The following USP6NL variants were observed in gnomAD, a reference collection of about 807,000 sequenced individuals.
The protein encoded by USP6NL is USP6 N-terminal-like protein.
Under a neutral mutation model 61.9 loss-of-function variants are expected in USP6NL, and 26 were observed. The ratio of observed to expected loss-of-function variants is 0.42; its 90% CI spans 0.31 to 0.58. The LOEUF (loss-of-function observed/expected upper bound fraction) is 0.58. Among genes scored for constraint, USP6NL ranks in the 20% least tolerant of loss-of-function variants. The pLI is 0.16. For missense variants in USP6NL, 1,114 were observed against 1,034.3 expected (o/e 1.08, Z -1.06); for synonymous variants, 432 against 390.1 (o/e 1.11, Z -1.27).
chr10:11,494,339 T>C (rs1566133700), intron 7 of USP6NL, among the ~76,000 whole-genome samples: 1 of 152,174 alleles, frequency 6.6e-6, no homozygotes. Flanking sequence ...GGGTACTTAG[T>C]GAATCCTTCC....
chr10:11,574,723 CAT>C lies in USP6NL; in HGVS notation c.4+22906_4+22907del, dbSNP rs918576915. On this transcript the variant is annotated intron_variant, in intron 2 of 14. Coordinates refer to ENST00000609104, the MANE Select transcript of USP6NL (RefSeq NM_014688.5). This position sits in a 1 kb window ranked among gnomAD's most constrained non-coding sequence, Gnocchi z 4.3. Reference sequence around the variant, plus strand: ...CCATGAATTATTTTGACATTTTTAACATATCATAAAATATTAGATCCCAGAGC... The same window carrying C: ...CCATGAATTATTTTGACATTTTTAACATCATAAAATATTAGATCCCAGAGC... Among the ~76,000 whole-genome samples, 5 of 152,160 alleles carry C rather than the reference CAT, an allele frequency of 3.3e-5. No homozygotes were observed. Among genetic ancestry groups the C allele is most frequent in the African/African-American group, 1.2e-4 (5 of 41,428 alleles).
At chr10:11,577,422 A>C (rs182020472) in intron 2 of USP6NL, among the ~76,000 whole-genome samples, 45 of 152,108 alleles carry the variant, frequency 3.0e-4, no homozygotes, top group Admixed American at 2.0e-3. Context: ...ACTATTGAAA[A>C]CGGAGTCTCT....
chr10:11,521,733 AT>A (rs34431059), intron 4 of USP6NL, among the ~76,000 whole-genome samples: 17,211 of 152,214 alleles, frequency 0.11, 1,286 homozygotes, highest in East Asian at 0.16. Flanking sequence ...ATATACAGTC[AT>A]TTTATACAGT....
rs1333343886 is a variant in USP6NL, at chr10:11,611,497, G to C, written c.-138C>G. 6.3e-6 allele frequency: 1 copy of C among 159,762 alleles called. No individual in the cohort carries two copies. Among genetic ancestry groups the C allele is most frequent in the African/African-American group, 2.4e-5 (1 of 41,426 alleles). The allele number at this position is 159,762 out of a possible 1,614,324, so 9.9% of individuals were successfully genotyped here. Reference sequence around the variant, plus strand: ...GGCAGCGGACAGAGCTGGCGGTCCCGGGCGGCCGAGCAGATCCGGCGCGGC... The same window carrying C: ...GGCAGCGGACAGAGCTGGCGGTCCCCGGCGGCCGAGCAGATCCGGCGCGGC... On this transcript the variant is annotated 5_prime_UTR_variant, in exon 1 of 15. Coordinates refer to ENST00000609104, the MANE Select transcript of USP6NL (RefSeq NM_014688.5). The surrounding 1 kb of genome is among the most constrained non-coding windows in gnomAD (Gnocchi z 5.3).
intron 7 of USP6NL, among the ~76,000 whole-genome samples, chr10:11,498,711 G>C (rs1390110127): frequency 6.6e-6 from 1 of 151,918 alleles, no homozygotes; most frequent in Non-Finnish European, 1.5e-5. Flanking sequence ...AAACTAATCA[G>C]ATCCAAATTG....
At position 11,591,386 on chromosome 10, in the gene USP6NL, A is replaced by G. The variant is rs1838154774; in HGVS notation, c.4+6245T>C. 6.6e-6 allele frequency among the ~76,000 whole-genome samples: 1 copy of G among 152,158 alleles called. No homozygotes were observed. The highest frequency in any genetic ancestry group is 2.1e-4 in the South Asian group (1 of 4,828). On this transcript the variant is annotated intron_variant, in intron 2 of 14. Coordinates refer to ENST00000609104, the MANE Select transcript of USP6NL (RefSeq NM_014688.5). This position sits in a 1 kb window ranked among gnomAD's most constrained non-coding sequence, Gnocchi z 4.7. ...GTTGTAGATCTAAAAGAAAACGTTT[A>G]ATAACAGGTCTATAAAAACTAGATA...
intron 6 of USP6NL, among the ~76,000 whole-genome samples, chr10:11,501,909 A>T (rs2133310309): frequency 6.6e-6 from 1 of 152,310 alleles, no homozygotes; most frequent in South Asian, 2.1e-4. Context: ...GACAAAAACA[A>T]CGATAAATCT....
rs923608548 is a variant in USP6NL, at chr10:11,510,565, C to T, written c.196-890G>A. 7.2e-5 allele frequency among the ~76,000 whole-genome samples: 11 copies of T among 152,042 alleles called. No homozygotes were observed. Among genetic ancestry groups the T allele is most frequent in the South Asian group, 4.1e-4 (2 of 4,820 alleles). On this transcript the variant is annotated intron_variant, in intron 5 of 14. Coordinates refer to ENST00000609104, the MANE Select transcript of USP6NL (RefSeq NM_014688.5). This position sits in a 1 kb window ranked among gnomAD's most constrained non-coding sequence, Gnocchi z 4.8. ...AGGCTGCGGAATGGGGAAAGTGAGACGGAAAATGCTCGCTCTTCACTTGTT... is the reference window on the plus strand; with the variant it reads ...AGGCTGCGGAATGGGGAAAGTGAGATGGAAAATGCTCGCTCTTCACTTGTT...
chr10:11,595,682 A>T lies in USP6NL; in HGVS notation c.4+1949T>A, dbSNP rs1161300493. On this transcript the variant is annotated intron_variant, in intron 2 of 14. Coordinates refer to ENST00000609104, the MANE Select transcript of USP6NL (RefSeq NM_014688.5). The surrounding 1 kb of genome is among the most constrained non-coding windows in gnomAD (Gnocchi z 5.3). ...GAAAGAGAGAGACATAAGAGCAAAA[A>T]AACTTCCATCAGAATGTGCCTGCAA... Among the ~76,000 whole-genome samples the T allele has an allele frequency of 1.3e-5, 2 of 152,230 alleles. No homozygotes were observed. Among genetic ancestry groups the T allele is most frequent in the African/African-American group, 2.4e-5 (1 of 41,468 alleles).
At chr10:11,509,765 G>A in intron 5 of USP6NL, 90 bp from the exon 6 acceptor site, 1 of 1,127,074 alleles carries the variant, frequency 8.9e-7, no homozygotes, top group Non-Finnish European at 1.3e-6. Flanking sequence ...TCTAAAAAAG[G>A]AACTAAAAAA....
chr10:11,606,294 TAAAC>T (rs1425927627), intron 1 of USP6NL, among the ~76,000 whole-genome samples: 2 of 152,274 alleles, frequency 1.3e-5, no homozygotes, highest in Admixed American at 1.3e-4. Context: ...AAGATACTCT[TAAAC>T]AAACAAGTTA....
At chr10:11,554,965 A>ACTTTTTTTTTTT in intron 2 of USP6NL, among the ~76,000 whole-genome samples, 1 of 76,634 alleles carries the variant, frequency 1.3e-5, no homozygotes, top group South Asian at 4.6e-4. Context: ...ATGCCCGGCT[A>ACTTTTTTTTTTT]ATTTTTTTTT....
At chr10:11,576,821 T>C (rs1013726571) in intron 2 of USP6NL, among the ~76,000 whole-genome samples, 2 of 152,222 alleles carry the variant, frequency 1.3e-5, no homozygotes, top group Non-Finnish European at 2.9e-5. Flanking sequence ...AGAAATGTCC[T>C]AGCTACTTTT....
At chr10:11,473,430 T>C (rs960684690) in intron 14 of USP6NL, among the ~76,000 whole-genome samples, 3 of 152,140 alleles carry the variant, frequency 2.0e-5, no homozygotes, top group African/African-American at 7.2e-5. Context: ...TTCTGTGGGT[T>C]TGGGGAGGCC....
rs1832569719 is a variant in USP6NL at position 11,468,378 on chromosome 10, C to T, written c.1079-4529G>A. The stretch of plus-strand genomic sequence containing the variant: ...TGGCCGCACTTGGCTTCAAGTTCCT[C>T]CTATCAATATTTATTCAAATGTTCT... On this transcript the variant is annotated intron_variant, in intron 14 of 14. Coordinates refer to ENST00000609104, the MANE Select transcript of USP6NL (RefSeq NM_014688.5). This position sits in a 1 kb window ranked among gnomAD's most constrained non-coding sequence, Gnocchi z 4.5. Among the ~76,000 whole-genome samples, 1 of 152,204 alleles carries T rather than the reference C, an allele frequency of 6.6e-6. No homozygotes were observed.
At chr10:11,466,895 T>C (rs1323384259) in intron 14 of USP6NL, among the ~76,000 whole-genome samples, 1 of 152,234 alleles carries the variant, frequency 6.6e-6, no homozygotes, top group African/African-American at 2.4e-5. Context: ...AAATACGCTA[T>C]TTTCGGCTCA....
Position 11,462,279 on chromosome 10 carries a change from C to G in USP6NL, c.*162G>C, listed in dbSNP as rs898579091. The G allele has an allele frequency of 4.4e-5, 37 of 837,430 alleles. No homozygotes were observed. The highest frequency in any genetic ancestry group is 6.9e-5 in the African/African-American group (4 of 58,136). 51.9% of individuals were successfully genotyped at this position (837,430 alleles called of 1,614,324 possible). On this transcript the variant is annotated 3_prime_UTR_variant, in exon 15 of 15. Transcript: ENST00000609104. ...TTGAAACGCTCATCTTAAGCAGCAT[C>G]TACGTGGGGCTGAAGACATTTCCCT... is the stretch of plus-strand genomic sequence containing the variant.
chr10:11,530,213 C>T (rs780317738), intron 2 of USP6NL, among the ~76,000 whole-genome samples: 9 of 151,154 alleles, frequency 6.0e-5, no homozygotes, highest in Non-Finnish European at 1.2e-4. Context: ...CTTTAGTAAT[C>T]AGGCCAAATT....
intron 2 of USP6NL, chr10:11,565,744 C>G (rs1046337472): frequency 6.6e-5 from 10 of 152,120 alleles, no homozygotes; most frequent in Non-Finnish European, 1.5e-4. Flanking sequence ...CAGCTACTAT[C>G]CAGCCGCTCA....
Sources: allele counts gnomAD v4.1 joint callset (sites outside exome capture counted in the v4.1 genomes callset), GRCh38; gene constraint gnomAD v4.1.1; non-coding constraint Gnocchi (gnomAD v3.1); transcripts MANE v1.5; gene names NCBI Gene and HGNC (gene_info 2026-07-23, HGNC 2026-07-21).